The following AUTS2 variants were observed in gnomAD, a reference collection of about 807,000 sequenced individuals.
AUTS2 encodes autism susceptibility gene 2 protein.
AUTS2 carries 17 observed loss-of-function variants against 112.4 expected under a neutral mutation model. The ratio of observed to expected loss-of-function variants is 0.15; its 90% CI spans 0.10 to 0.23. The LOEUF is 0.23. Among genes scored for constraint, AUTS2 ranks in the 10% least tolerant of loss-of-function variants. The probability of loss-of-function intolerance (pLI) is 1.00; values close to 1 mark genes in which losing one functional copy is unlikely to be tolerated. For missense variants in AUTS2, 1,510 were observed against 1,701.6 expected (o/e 0.89, Z 1.98); for synonymous variants, 751 against 702.7 (o/e 1.07, Z -1.09).
At chr7:70,126,106 C>A (rs994214144) in intron 3 of AUTS2, among the ~76,000 whole-genome samples, 1 of 152,158 alleles carries the variant, frequency 6.6e-6, no homozygotes, top group Non-Finnish European at 1.5e-5. Flanking sequence ...TAATTTGACT[C>A]ATGCGTAAAG....
intron 5 of AUTS2, among the ~76,000 whole-genome samples, chr7:70,592,267 T>C (rs1585345680): frequency 2.0e-5 from 3 of 152,214 alleles, no homozygotes; most frequent in South Asian, 2.1e-4. Flanking sequence ...AGGGAAGGAA[T>C]TGAGTTCGGA....
At chr7:70,020,127 G>A (rs1332461506) in intron 2 of AUTS2, among the ~76,000 whole-genome samples, 2 of 152,184 alleles carry the variant, frequency 1.3e-5, no homozygotes, top group Admixed American at 1.3e-4. Context: ...GGGACACGGT[G>A]CACACCTGAG....
chr7:70,369,035 T>C (rs1247562172), intron 4 of AUTS2, among the ~76,000 whole-genome samples: 1 of 152,222 alleles, frequency 6.6e-6, no homozygotes, highest in Non-Finnish European at 1.5e-5. Context: ...AGTTTCTTAG[T>C]TCAGCTTAAA....
intron 1 of AUTS2, among the ~76,000 whole-genome samples, chr7:69,873,789 C>T (rs1793606999): frequency 6.6e-6 from 1 of 152,054 alleles, no homozygotes; most frequent in Non-Finnish European, 1.5e-5. Flanking sequence ...CACAGAATAG[C>T]TGGAATTACA....
chr7:70,482,047 T>C (rs916865183), intron 5 of AUTS2, among the ~76,000 whole-genome samples: 1 of 152,190 alleles, frequency 6.6e-6, no homozygotes, highest in Non-Finnish European at 1.5e-5. Flanking sequence ...GAGGTTAAAG[T>C]CCGTAGGCTT....
chr7:69,725,194 T>A (rs964240165), intron 1 of AUTS2, among the ~76,000 whole-genome samples: 7 of 152,200 alleles, frequency 4.6e-5, no homozygotes, highest in African/African-American at 1.7e-4. Flanking sequence ...TTGGTATTAA[T>A]TTATTTGAAA....
At chr7:70,386,954 C>A (rs1485009450) in intron 4 of AUTS2, among the ~76,000 whole-genome samples, 2 of 152,182 alleles carry the variant, frequency 1.3e-5, no homozygotes, top group Non-Finnish European at 2.9e-5. Context: ...CAAGTGTTCA[C>A]CCTTTTCTCT....
At chr7:70,717,019 CT>C (rs1810418407) in intron 6 of AUTS2, among the ~76,000 whole-genome samples, 1 of 75,552 alleles carries the variant, frequency 1.3e-5, no homozygotes, top group Non-Finnish European at 2.5e-5. Flanking sequence ...TTTTTTATTA[CT>C]GTTTAAGCCT....
intron 1 of AUTS2, among the ~76,000 whole-genome samples, chr7:69,773,421 C>T (rs1014020446): frequency 1.0e-5 from 1 of 98,168 alleles, no homozygotes; most frequent in Non-Finnish European, 2.0e-5. Context: ...CACGGTGCTA[C>T]AAAACCTTTA....
intron 2 of AUTS2, among the ~76,000 whole-genome samples, chr7:70,006,273 T>C (rs1318316985): frequency 2.0e-5 from 3 of 152,200 alleles, no homozygotes; most frequent in Admixed American, 1.3e-4. Flanking sequence ...CTATTTTCCT[T>C]CCGTGGTGAC....
At chr7:69,957,510 A>T (rs1797263461) in intron 2 of AUTS2, among the ~76,000 whole-genome samples, 1 of 152,058 alleles carries the variant, frequency 6.6e-6, no homozygotes, top group Non-Finnish European at 1.5e-5. Context: ...TCTTTGTGTC[A>T]TTCCTTATGT....
intron 5 of AUTS2, among the ~76,000 whole-genome samples, chr7:70,661,106 C>G (rs912363295): frequency 2.0e-5 from 3 of 151,714 alleles, no homozygotes; most frequent in East Asian, 3.9e-4. Flanking sequence ...CACTCCAGAG[C>G]CGGCATTTGA....
intron 1 of AUTS2, among the ~76,000 whole-genome samples, chr7:69,769,050 A>G (rs145143224): frequency 1.3e-3 from 203 of 152,358 alleles, no homozygotes; most frequent in Non-Finnish European, 2.2e-3. Flanking sequence ...AAACACCCCA[A>G]GTCTCCTGAC....
intron 1 of AUTS2, among the ~76,000 whole-genome samples, chr7:69,813,673 C>T (rs1790641161): frequency 6.6e-6 from 1 of 152,128 alleles, no homozygotes; most frequent in Admixed American, 6.5e-5. Context: ...CTACTTCCTG[C>T]TTGTGAAATC....
intron 2 of AUTS2, among the ~76,000 whole-genome samples, chr7:69,987,803 A>G (rs1483394735): frequency 1.3e-5 from 2 of 152,254 alleles, no homozygotes; most frequent in African/African-American, 2.4e-5. Flanking sequence ...CGTCATGACT[A>G]TTTTGACTAT....
chr7:70,011,361 T>TCTCCTCTCCTCTCCC (rs1440598437), intron 2 of AUTS2, among the ~76,000 whole-genome samples: 2 of 132,918 alleles, frequency 1.5e-5, no homozygotes, highest in African/African-American at 5.8e-5. Flanking sequence ...TCTCCTCTCC[T>TCTCCTCTCCTCTCCC]CTCCCTCATT....
Position 70,634,150 on chromosome 7 carries a change from A to G in AUTS2, c.691-64419A>G, listed in dbSNP as rs118045653. On this transcript the variant is annotated intron_variant, in intron 5 of 18. Transcript: ENST00000342771. ...GCTCACCTTCTAGTGGTGAGAAGAG[A>G]CAAGGAGAATTAATGAGTAAAATGG... is the stretch of plus-strand genomic sequence containing the variant. Among the ~76,000 whole-genome samples the G allele has an allele frequency of 6.3e-3, 962 of 152,294 alleles. 21 individuals are homozygous for G. The highest frequency in any genetic ancestry group is 0.042 in the East Asian group (220 of 5,178).
At chr7:69,644,329 T>G (rs1409510312) in intron 1 of AUTS2, among the ~76,000 whole-genome samples, 1 of 149,646 alleles carries the variant, frequency 6.7e-6, no homozygotes, top group African/African-American at 2.4e-5. Context: ...CCCCTAGACT[T>G]TTTTTTTTTC....
chr7:70,207,812 G>A (rs1278836106), intron 4 of AUTS2, among the ~76,000 whole-genome samples: 1 of 152,026 alleles, frequency 6.6e-6, no homozygotes. Context: ...AAGGGTTTGA[G>A]ACCAGCCTGA....
Sources: allele counts gnomAD v4.1 joint callset (sites outside exome capture counted in the v4.1 genomes callset), GRCh38; gene constraint gnomAD v4.1.1; transcripts MANE v1.5; gene names NCBI Gene and HGNC (gene_info 2026-07-23, HGNC 2026-07-21).